Variants in C16orf78 observed in about 807,000 individuals in gnomAD.
The protein encoded by C16orf78 is chromosome 16 open reading frame 78.
A neutral mutation model predicts 27.3 loss-of-function variants in C16orf78; 19 were observed. The ratio of observed to expected loss-of-function variants is 0.70; its 90% confidence interval spans 0.49 to 1.02. C16orf78 has a LOEUF of 1.02. Among genes scored for constraint, C16orf78 ranks in the 50% least tolerant of loss-of-function variants. C16orf78 has a pLI of 0.00. For synonymous variants in C16orf78, 130 were observed against 116.1 expected (o/e 1.12, Z -0.77); for missense variants, 339 against 337.0 (o/e 1.01, Z -0.05).
At chr16:49,395,363 C>T (rs1373121141) in intron 3 of C16orf78, among the ~76,000 whole-genome samples, 8 of 152,222 alleles carry the variant, frequency 5.3e-5, no homozygotes, top group African/African-American at 1.9e-4. Context: ...AGCTCTAGTC[C>T]AACCTTCAGG....
At chr16:49,376,484 G>T (rs919028707) in intron 1 of C16orf78, among the ~76,000 whole-genome samples, 1 of 152,154 alleles carries the variant, frequency 6.6e-6, no homozygotes, top group African/African-American at 2.4e-5. Flanking sequence ...GAGGAGATGG[G>T]TCATCCTAGC....
intron 4 of C16orf78, 92 bp from the exon 5 acceptor site, chr16:49,399,039 T>C: frequency 7.1e-7 from 1 of 1,399,372 alleles, no homozygotes; most frequent in Non-Finnish European, 9.9e-7. Context: ...GCACCCACAC[T>C]TACTGCTGCT....
intron 3 of C16orf78, among the ~76,000 whole-genome samples, chr16:49,395,898 G>T (rs8044292): frequency 1.2e-4 from 18 of 152,066 alleles, no homozygotes; most frequent in African/African-American, 4.3e-4. Flanking sequence ...AAGGGAGTCG[G>T]AACAGGGCAG....
rs115891429 is a variant in C16orf78, at chr16:49,389,027, T to C, written c.395-7396T>C. Among the ~76,000 whole-genome samples the C allele has an allele frequency of 1.5e-3, 225 of 152,350 alleles. 1 individual carries two copies. The highest frequency in any genetic ancestry group is 5.1e-3 in the African/African-American group (214 of 41,592). ...ATCTTCACGTGCGTTTCTAACTTGTTCCATCTATTCTTTGCTTTCTCTTTC... is the reference window on the plus strand; with the variant it reads ...ATCTTCACGTGCGTTTCTAACTTGTCCCATCTATTCTTTGCTTTCTCTTTC... On this transcript the variant is annotated intron_variant, in intron 3 of 4. Coordinates refer to ENST00000299191, the MANE Select transcript of C16orf78 (RefSeq NM_144602.4).
At chr16:49,390,001 T>G (rs1208855636) in intron 3 of C16orf78, among the ~76,000 whole-genome samples, 1 of 152,226 alleles carries the variant, frequency 6.6e-6, no homozygotes, top group Non-Finnish European at 1.5e-5. Context: ...ATTTCACTTT[T>G]GTTTCTGAGA....
intron 2 of C16orf78, 125 bp from the exon 3 acceptor site, chr16:49,378,345 C>T (rs990239892): frequency 7.2e-7 from 1 of 1,394,958 alleles, no homozygotes; most frequent in African/African-American, 1.5e-5. Flanking sequence ...CGGGGAAGCT[C>T]TCTCCTTGGT....
chr16:49,374,410 A>G (rs1353657156), intron 1 of C16orf78, among the ~76,000 whole-genome samples: 1 of 152,256 alleles, frequency 6.6e-6, no homozygotes, highest in East Asian at 1.9e-4. Flanking sequence ...CCTGGATTGT[A>G]AAACTAGCAA....
intron 3 of C16orf78, among the ~76,000 whole-genome samples, chr16:49,388,889 T>A (rs1965379711): frequency 6.6e-6 from 1 of 152,152 alleles, no homozygotes. Context: ...CTTAACAAAT[T>A]CAAGAGGACT....
At chr16:49,374,625 C>G (rs1308265092) in intron 1 of C16orf78, among the ~76,000 whole-genome samples, 1 of 152,198 alleles carries the variant, frequency 6.6e-6, no homozygotes, top group Non-Finnish European at 1.5e-5. Flanking sequence ...CTCCATATTG[C>G]AGGATGGGAT....
chr16:49,389,042 C>T (rs1260139343), intron 3 of C16orf78, among the ~76,000 whole-genome samples: 1 of 152,144 alleles, frequency 6.6e-6, no homozygotes, highest in Non-Finnish European at 1.5e-5. Context: ...CTATTCTTTG[C>T]TTTCTCTTTC....
intron 1 of C16orf78, among the ~76,000 whole-genome samples, chr16:49,377,464 G>C (rs1214415966): frequency 6.6e-6 from 1 of 152,140 alleles, no homozygotes; most frequent in Non-Finnish European, 1.5e-5. Flanking sequence ...CCTTATGTGG[G>C]GGGTGATGGG....
At chr16:49,375,235 T>G (rs151280026) in intron 1 of C16orf78, among the ~76,000 whole-genome samples, 1 of 152,282 alleles carries the variant, frequency 6.6e-6, no homozygotes, top group African/African-American at 2.4e-5. Flanking sequence ...GCACCTGCCT[T>G]TGGGGAAAGC....
intron 3 of C16orf78, among the ~76,000 whole-genome samples, chr16:49,382,547 G>A (rs750956647): frequency 2.6e-5 from 4 of 152,088 alleles, no homozygotes; most frequent in African/African-American, 4.8e-5. Context: ...CTGCCACCAC[G>A]AGATTTTTCC....
chr16:49,382,270 G>T (rs923627967), intron 3 of C16orf78, among the ~76,000 whole-genome samples: 1 of 152,088 alleles, frequency 6.6e-6, no homozygotes, highest in Non-Finnish European at 1.5e-5. Flanking sequence ...GTTGTGGGGT[G>T]GGGGGAGTGG....
chr16:49,393,786 CTAAATA>C (rs1439042971), intron 3 of C16orf78, among the ~76,000 whole-genome samples: 2 of 151,832 alleles, frequency 1.3e-5, no homozygotes, highest in African/African-American at 2.4e-5. Context: ...TGTTAAAAGG[CTAAATA>C]TAAAGCTAGC....
rs1056780569 is a variant in C16orf78 at position 49,399,414 on chromosome 16, G to C, written c.*136G>C. 1.2e-5 allele frequency: 13 copies of C among 1,071,062 alleles called. No individual in the cohort carries two copies. The highest frequency in any genetic ancestry group is 2.5e-5 in the East Asian group (1 of 39,824). The allele number at this position is 1,071,062 out of a possible 1,614,324, so 66.3% of individuals were successfully genotyped here. A position where few individuals can be genotyped will look rare whatever the true frequency, so the allele number is the denominator to read the frequency against. On this transcript the variant is annotated 3_prime_UTR_variant, in exon 5 of 5. Transcript: ENST00000299191. ...TAGAAAGTAAGCAATCAGAAAACAAGCCTCGGCTGTGTGATCATTGTGCTT... is the reference window on the plus strand; with the variant it reads ...TAGAAAGTAAGCAATCAGAAAACAACCCTCGGCTGTGTGATCATTGTGCTT...
intron 3 of C16orf78, among the ~76,000 whole-genome samples, chr16:49,385,071 T>C (rs117603339): frequency 0.014 from 2,078 of 152,210 alleles, 29 homozygotes; most frequent in Non-Finnish European, 0.021. Flanking sequence ...AGGACACTAA[T>C]TAACAATGTA....
chr16:49,381,977 C>T (rs368749401), intron 3 of C16orf78, among the ~76,000 whole-genome samples: 30,829 of 149,270 alleles, frequency 0.21, 3,517 homozygotes, highest in African/African-American at 0.31. Context: ...ATGTTTATTG[C>T]GGCATTATTC....
Position 49,399,134 on chromosome 16 carries a change from C to T in C16orf78, c.654C>T (p.Tyr218=). ...LKPEEVLSCR[Y]LRLSKENIRT... ...TCTTTTGCCTTCTCTTGAACAGATA[C>T]CTGAGGTTATCCAAGGAGAACATTC... The change falls in exon 5 of 5, where the codon TAC becomes TAT. Residue 218 remains tyrosine, a synonymous_variant. Transcript: ENST00000299191. 1.9e-6 allele frequency: 3 copies of T among 1,613,902 alleles called. No individual in the cohort carries two copies. Among genetic ancestry groups the T allele is most frequent in the Non-Finnish European group, 2.5e-6 (3 of 1,179,850 alleles).
Sources: allele counts gnomAD v4.1 joint callset (sites outside exome capture counted in the v4.1 genomes callset), GRCh38; gene constraint gnomAD v4.1.1; transcripts MANE v1.5; gene names NCBI Gene and HGNC (gene_info 2026-07-23, HGNC 2026-07-21).